ATF7: variants seen among roughly 807,000 people sequenced by gnomAD.
ATF7 encodes activating transcription factor 7.
A neutral mutation model predicts 50.4 loss-of-function variants in ATF7; 10 were observed. The ratio of observed to expected loss-of-function variants is 0.20; its 90% CI spans 0.12 to 0.34. The LOEUF is 0.34. ATF7 is among the 10% of genes least tolerant of loss of function. The pLI, the probability that ATF7 is intolerant of heterozygous loss-of-function variation, is 1.00. For missense variants in ATF7, 465 were observed against 613.9 expected, an observed-to-expected ratio of 0.76 and a Z score of 2.56; for synonymous variants, 201 against 226.4, an observed-to-expected ratio of 0.89 and a Z score of 1.01.
chr12:53,554,823 A>G (rs924806456), intron 2 of ATF7, among the ~76,000 whole-genome samples: 1 of 144,078 alleles, frequency 6.9e-6, no homozygotes, highest in Non-Finnish European at 1.5e-5. Context: ...AGATCCCACC[A>G]CTAAGCTCCA....
chr12:53,534,417 GA>G (rs1939099256), intron 6 of ATF7, 84 bp downstream of exon 6: 61 of 1,571,546 alleles, frequency 3.9e-5, no homozygotes, highest in Non-Finnish European at 4.9e-5. Flanking sequence ...TTGGGTATTG[GA>G]AAACAGTCCC....
intron 2 of ATF7, among the ~76,000 whole-genome samples, chr12:53,585,235 CA>C (rs1035322992): frequency 2.0e-5 from 3 of 152,116 alleles, no homozygotes; most frequent in African/African-American, 7.2e-5. Flanking sequence ...CTCGGCTTCC[CA>C]AAGTGTTGAG....
At chr12:53,610,564 CAAAA>C (rs528813775) in intron 1 of ATF7, among the ~76,000 whole-genome samples, 2 of 55,020 alleles carry the variant, frequency 3.6e-5, no homozygotes, top group Admixed American at 1.9e-4. Context: ...GACTCTGTCT[CAAAA>C]AAAAAAAAAA....
intron 1 of ATF7, among the ~76,000 whole-genome samples, chr12:53,624,624 T>C (rs1944532451): frequency 6.6e-6 from 1 of 152,212 alleles, no homozygotes; most frequent in Non-Finnish European, 1.5e-5. Flanking sequence ...ACATGTTACA[T>C]TTCGCAAGAG....
chr12:53,528,054 G>T (rs1938582852), intron 9 of ATF7, among the ~76,000 whole-genome samples: 1 of 151,744 alleles, frequency 6.6e-6, no homozygotes, highest in Non-Finnish European at 1.5e-5. Context: ...TGTTAGCCAG[G>T]ATGGTCTTGA....
intron 4 of ATF7, among the ~76,000 whole-genome samples, chr12:53,539,341 G>T (rs1399580302): frequency 6.6e-6 from 1 of 151,998 alleles, no homozygotes; most frequent in Non-Finnish European, 1.5e-5. Context: ...CACTTTGGGA[G>T]GCCAAGGTGG....
chr12:53,524,717 C>T lies in ATF7; in HGVS notation c.972G>A (p.Arg324=). ...QPTPSTGGRR[R]RTVDEDPDER... is the part of the protein sequence containing the mutation. ...CATCTGGATCTTCATCTACTGTGCG[C>T]CGCCGTCGCCCCCCAGTACTAGGGG... is the stretch of plus-strand genomic sequence containing the variant. The change falls in exon 10 of 12, where the codon CGG becomes CGA. Residue 324 remains arginine, a synonymous_variant. Coordinates refer to ENST00000420353, the MANE Select transcript of ATF7 (RefSeq NM_006856.3). This position sits in a 1 kb window ranked among gnomAD's most constrained non-coding sequence, Gnocchi z 4.6. The T allele has an allele frequency of 6.2e-7, 1 of 1,612,372 alleles. No individual in the cohort carries two copies. The highest frequency in any genetic ancestry group is 8.5e-7 in the Non-Finnish European group (1 of 1,179,528).
At chr12:53,533,359 G>A (rs1225811832) in intron 6 of ATF7, 100 bp from the exon 7 acceptor site, 2 of 967,676 alleles carry the variant, frequency 2.1e-6, no homozygotes, top group Non-Finnish European at 3.2e-6. Context: ...TCTAGTTAGG[G>A]AAGGTATAGG....
At chr12:53,586,777 ACT>A (rs1345225887) in intron 2 of ATF7, among the ~76,000 whole-genome samples, 1 of 151,868 alleles carries the variant, frequency 6.6e-6, no homozygotes, top group Non-Finnish European at 1.5e-5. Flanking sequence ...TCCTGTCATC[ACT>A]CTCTCACACA....
At chr12:53,584,324 C>T (rs1038034849) in intron 2 of ATF7, among the ~76,000 whole-genome samples, 5 of 152,176 alleles carry the variant, frequency 3.3e-5, no homozygotes, top group African/African-American at 1.2e-4. Context: ...AAATCCATTA[C>T]ACACCTATTA....
intron 2 of ATF7, among the ~76,000 whole-genome samples, chr12:53,581,041 G>A (rs913124756): frequency 9.9e-5 from 15 of 152,006 alleles, no homozygotes; most frequent in African/African-American, 3.6e-4. Context: ...GAACCTGGGA[G>A]GTAGAGCTTG....
chr12:53,574,456 C>CCGT (rs1267439766), intron 2 of ATF7, among the ~76,000 whole-genome samples: 1 of 152,126 alleles, frequency 6.6e-6, no homozygotes, highest in Non-Finnish European at 1.5e-5. Context: ...GTCCTAGGAC[C>CCGT]CCAGAGAGCC....
chr12:53,623,480 C>T (rs1054166766), intron 1 of ATF7, among the ~76,000 whole-genome samples: 1 of 152,172 alleles, frequency 6.6e-6, no homozygotes, highest in Non-Finnish European at 1.5e-5. Context: ...ATGAATGCTG[C>T]ATTTGTTTTT....
intron 2 of ATF7, among the ~76,000 whole-genome samples, chr12:53,555,226 G>A (rs910793601): frequency 6.6e-6 from 1 of 151,802 alleles, no homozygotes; most frequent in Non-Finnish European, 1.5e-5. Flanking sequence ...GGCTGGGGCT[G>A]AGGCAGGAGA....
chr12:53,604,885 A>G (rs1360543893), intron 1 of ATF7, among the ~76,000 whole-genome samples: 1 of 152,212 alleles, frequency 6.6e-6, no homozygotes, highest in East Asian at 1.9e-4. Flanking sequence ...AAACAAAAAG[A>G]CAATAGGCCT....
At chr12:53,556,157 T>C (rs2137532262) in intron 2 of ATF7, among the ~76,000 whole-genome samples, 1 of 152,378 alleles carries the variant, frequency 6.6e-6, no homozygotes, top group African/African-American at 2.4e-5. Context: ...TAGTAGCTTA[T>C]GCAGGGCTGT....
At chr12:53,624,800 C>T (rs1187347453) in intron 1 of ATF7, among the ~76,000 whole-genome samples, 2 of 152,230 alleles carry the variant, frequency 1.3e-5, no homozygotes, top group Non-Finnish European at 2.9e-5. Context: ...TTTATTTACA[C>T]TATTTAAAAA....
chr12:53,542,043 T>G lies in ATF7; in HGVS notation c.264+1287A>C, dbSNP rs1339482537. Among the ~76,000 whole-genome samples the G allele has an allele frequency of 2.0e-5, 3 of 150,884 alleles. No homozygotes were observed. In the Admixed American group the frequency reaches 2.0e-4, roughly 10 times the overall value. On this transcript the variant is annotated intron_variant, in intron 4 of 11. Transcript: ENST00000420353. The stretch of plus-strand genomic sequence containing the variant: ...CGCCATGTTGGTCAGGCTGGTCTTG[T>G]GATCTGCTTGCCTTGGCCTCCCAAA...
At chr12:53,619,802 A>T (rs1593010161) in intron 1 of ATF7, among the ~76,000 whole-genome samples, 1 of 151,744 alleles carries the variant, frequency 6.6e-6, no homozygotes, top group African/African-American at 2.4e-5. Flanking sequence ...ACAGAGGGAG[A>T]CCCTGCCTCA....
Sources: allele counts gnomAD v4.1 joint callset (sites outside exome capture counted in the v4.1 genomes callset), GRCh38; gene constraint gnomAD v4.1.1; non-coding constraint Gnocchi (gnomAD v3.1); transcripts MANE v1.5; gene names NCBI Gene and HGNC (gene_info 2026-07-23, HGNC 2026-07-21).